Variants in COL19A1 observed in about 807,000 individuals in gnomAD.
The protein encoded by COL19A1 is collagen type XIX alpha 1 chain, also known as collagen alpha-1(XIX) chain.
Under a neutral mutation model 190.2 loss-of-function variants are expected in COL19A1, and 159 were observed. The observed-to-expected ratio is 0.84, with a 90% CI of 0.73 to 0.95. The LOEUF (loss-of-function observed/expected upper bound fraction) is 0.95. COL19A1 is among the 40% of genes least tolerant of loss of function. The pLI is 0.00. For synonymous variants in COL19A1, 509 were observed against 458.9 expected (o/e 1.11, Z -1.39); for missense variants, 1,418 against 1,431.9 (o/e 0.99, Z 0.16).
At chr6:70,161,792 G>C (rs538353646) in intron 34 of COL19A1, 108 bp from the exon 35 acceptor site, 1 of 652,002 alleles carries the variant, frequency 1.5e-6, no homozygotes, top group Non-Finnish European at 2.5e-6. Context: ...TATGTTTCTC[G>C]ATTAGCTAAA....
chr6:69,953,744 T>C (rs1346578322), intron 9 of COL19A1, among the ~76,000 whole-genome samples: 1 of 152,016 alleles, frequency 6.6e-6, no homozygotes, highest in African/African-American at 2.4e-5. Context: ...TTTTATTTGC[T>C]AAACAGTCAG....
In COL19A1 at chr6:70,199,717, A is replaced by G. The variant is rs1331867688; in HGVS notation, c.3204A>G (p.Pro1068=). ...PPGKDGLPGP[P]GDPGPQGYRG... is the part of the protein sequence containing the mutation. ...GGAAGGATGGGTTGCCTGGGCCACC[A>G]GGAGACCCTGGACCCCAAGGTAAGT... Residue 1068 remains proline (P), a synonymous_variant, in exon 49 of 51, where the codon CCA becomes CCG. Coordinates refer to ENST00000620364, the MANE Select transcript of COL19A1 (RefSeq NM_001858.6). 10 of 1,610,330 alleles carry G rather than the reference A, an allele frequency of 6.2e-6. No individual in the cohort carries two copies. The highest frequency in any genetic ancestry group is 3.4e-4 in the Middle Eastern group (2 of 5,808).
At chr6:70,174,654 T>C (rs1765702302) in intron 41 of COL19A1, among the ~76,000 whole-genome samples, 1 of 152,156 alleles carries the variant, frequency 6.6e-6, no homozygotes, top group Non-Finnish European at 1.5e-5. Flanking sequence ...GAGTTGGATT[T>C]CAACAATGTT....
chr6:69,873,397 C>G (rs1215517710), intron 1 of COL19A1, among the ~76,000 whole-genome samples: 3 of 152,144 alleles, frequency 2.0e-5, no homozygotes, highest in Non-Finnish European at 4.4e-5. Context: ...ATTATGGACA[C>G]AACTTTGACT....
intron 41 of COL19A1, 89 bp downstream of exon 41, chr6:70,172,106 A>G (rs764104567): frequency 1.5e-5 from 18 of 1,177,814 alleles, no homozygotes; most frequent in Non-Finnish European, 2.2e-5. Context: ...GTTTTAGGTT[A>G]GGGATATATA....
chr6:69,989,512 C>T (rs763441196), intron 11 of COL19A1, among the ~76,000 whole-genome samples: 3 of 151,186 alleles, frequency 2.0e-5, no homozygotes, highest in Non-Finnish European at 4.4e-5. Flanking sequence ...TTGAATGTGA[C>T]TCAACACAAA....
chr6:70,083,630 G>A (rs2150166918), intron 15 of COL19A1, among the ~76,000 whole-genome samples: 1 of 152,292 alleles, frequency 6.6e-6, no homozygotes, highest in African/African-American at 2.4e-5. Flanking sequence ...TCATTTTACT[G>A]AAGTATGATT....
rs1334231287 is a variant in COL19A1 at position 70,060,389 on chromosome 6, A to G, written c.1171-8034A>G. On this transcript the variant is annotated intron_variant, in intron 14 of 50. Transcript: ENST00000620364. ...GTATCCTCTACAGCAGGGGTCCCCA[A>G]CCCCCGGGAAAAGGACCAGTACCAG... 2.6e-5 allele frequency among the ~76,000 whole-genome samples: 4 copies of G among 152,006 alleles called. No homozygotes were observed. In the East Asian group the frequency reaches 5.8e-4, roughly 22 times the overall value.
At chr6:70,130,693 C>T (rs1785468123) in intron 18 of COL19A1, among the ~76,000 whole-genome samples, 2 of 152,198 alleles carry the variant, frequency 1.3e-5, no homozygotes, top group Admixed American at 6.5e-5. Context: ...CAGTAGGATT[C>T]GAATCTGCTT....
chr6:69,908,606 A>C (rs1174915594), intron 4 of COL19A1, among the ~76,000 whole-genome samples: 1 of 152,154 alleles, frequency 6.6e-6, no homozygotes, highest in Non-Finnish European at 1.5e-5. Flanking sequence ...GGCAGCAATA[A>C]ATTTCTTAGT....
intron 34 of COL19A1, 117 bp from the exon 35 acceptor site, chr6:70,161,783 A>T (rs1262621185): frequency 8.2e-6 from 5 of 606,838 alleles, no homozygotes; most frequent in Non-Finnish European, 1.3e-5. Flanking sequence ...GACAAACATT[A>T]TGTTTCTCGA....
At chr6:70,101,585 A>G (rs1011575855) in intron 15 of COL19A1, among the ~76,000 whole-genome samples, 1 of 152,186 alleles carries the variant, frequency 6.6e-6, no homozygotes, top group South Asian at 2.1e-4. Flanking sequence ...TTCATTCAGT[A>G]TATGTAATTA....
intron 15 of COL19A1, among the ~76,000 whole-genome samples, chr6:70,089,516 G>A (rs889904927): frequency 6.6e-6 from 1 of 152,164 alleles, no homozygotes; most frequent in Non-Finnish European, 1.5e-5. Context: ...AAACATCCTT[G>A]TTTCTCCTGC....
At chr6:70,069,037 G>T (rs1048141598) in intron 15 of COL19A1, among the ~76,000 whole-genome samples, 1 of 152,048 alleles carries the variant, frequency 6.6e-6, no homozygotes, top group Non-Finnish European at 1.5e-5. Flanking sequence ...ATGACAACTG[G>T]TCAGCTTCAT....
chr6:70,029,084 A>T (rs889349631), intron 12 of COL19A1, among the ~76,000 whole-genome samples: 1 of 152,138 alleles, frequency 6.6e-6, no homozygotes, highest in Non-Finnish European at 1.5e-5. Context: ...CCTTATACCA[A>T]TGCAATCTGT....
chr6:70,159,344 G>A (rs1787638444), intron 34 of COL19A1, among the ~76,000 whole-genome samples: 2 of 151,606 alleles, frequency 1.3e-5, no homozygotes, highest in Non-Finnish European at 2.9e-5. Context: ...TAATGTTAGG[G>A]GAATAAAAAG....
intron 1 of COL19A1, 39 bp from the exon 2 acceptor site, chr6:69,879,497 A>G (rs1768358151): frequency 8.2e-7 from 1 of 1,212,138 alleles, no homozygotes; most frequent in Non-Finnish European, 1.2e-6. Context: ...GGAGCTGCAT[A>G]CAATAAACTT....
intron 15 of COL19A1, among the ~76,000 whole-genome samples, chr6:70,073,032 G>T (rs1781654368): frequency 6.6e-6 from 1 of 151,436 alleles, no homozygotes; most frequent in Non-Finnish European, 1.5e-5. Flanking sequence ...TTGTTGCCCA[G>T]GCTGCAGTGC....
chr6:70,099,106 C>T (rs1405691108), intron 15 of COL19A1, among the ~76,000 whole-genome samples: 1 of 150,748 alleles, frequency 6.6e-6, no homozygotes, highest in African/African-American at 2.4e-5. Flanking sequence ...GAGATTGTGC[C>T]CTGCCTGGAC....
Sources: gnomAD v4.1 joint callset for allele counts (sites outside exome capture counted in the v4.1 genomes callset) on GRCh38, gnomAD v4.1.1 for gene constraint, MANE v1.5 for transcripts, NCBI Gene and HGNC (gene_info 2026-07-23, HGNC 2026-07-21) for gene names.